The following BCAR3 variants were observed in gnomAD, a reference collection of about 807,000 sequenced individuals.
BCAR3 encodes the protein BCAR3 adaptor protein, NSP family member.
Under a neutral mutation model 80.1 loss-of-function variants are expected in BCAR3, and 37 were observed. The ratio of observed to expected loss-of-function variants is 0.46; its 90% CI spans 0.36 to 0.61. The LOEUF is 0.61. BCAR3 is among the 20% of genes least tolerant of loss of function. The pLI is 0.00. For synonymous variants in BCAR3, 389 were observed against 418.9 expected, an observed-to-expected ratio of 0.93 and a Z score of 0.87; for missense variants, 978 against 1,068.2, an observed-to-expected ratio of 0.92 and a Z score of 1.18.
At chr1:93,610,309 G>T (rs996567636) in intron 3 of BCAR3, among the ~76,000 whole-genome samples, 4 of 152,138 alleles carry the variant, frequency 2.6e-5, no homozygotes, top group African/African-American at 7.2e-5. Flanking sequence ...CTCTGAGCAG[G>T]CCTGGCCTTC....
intron 2 of BCAR3, among the ~76,000 whole-genome samples, chr1:93,650,333 C>T (rs1037027489): frequency 2.6e-5 from 4 of 152,066 alleles, no homozygotes; most frequent in Non-Finnish European, 4.4e-5. Context: ...TGCAGTGAGC[C>T]GAAATTATGC....
At chr1:93,607,017 A>G (rs1674789928) in intron 3 of BCAR3, among the ~76,000 whole-genome samples, 2 of 152,166 alleles carry the variant, frequency 1.3e-5, no homozygotes, top group African/African-American at 4.8e-5. Flanking sequence ...GGGAGGGAGT[A>G]AAGACTGTGT....
chr1:93,777,423 C>T (rs1468336464), intron 2 of BCAR3, among the ~76,000 whole-genome samples: 2 of 127,020 alleles, frequency 1.6e-5, no homozygotes, highest in Admixed American at 7.6e-5. Context: ...CTTCCTCCTC[C>T]TCTTCCTCCT....
chr1:93,629,954 G>A (rs998010959), intron 3 of BCAR3, among the ~76,000 whole-genome samples: 6 of 152,192 alleles, frequency 3.9e-5, no homozygotes, highest in East Asian at 1.9e-4. Context: ...TAAAAACACC[G>A]AAGGATTTCT....
chr1:93,732,197 G>A (rs913655125), intron 2 of BCAR3, among the ~76,000 whole-genome samples: 12 of 152,324 alleles, frequency 7.9e-5, no homozygotes, highest in African/African-American at 2.4e-4. Context: ...CAGGGCCCTG[G>A]GGGTGAAACC....
intron 3 of BCAR3, among the ~76,000 whole-genome samples, chr1:93,606,867 A>C (rs972071460): frequency 2.6e-5 from 4 of 152,186 alleles, no homozygotes; most frequent in Admixed American, 2.6e-4. Context: ...GAGGTTGAGA[A>C]AGCTGATTTC....
intron 2 of BCAR3, among the ~76,000 whole-genome samples, chr1:93,797,318 G>A (rs1441411104): frequency 1.3e-5 from 2 of 152,084 alleles, no homozygotes; most frequent in Non-Finnish European, 2.9e-5. Flanking sequence ...TACTTAGGTT[G>A]GTAAGTATCA....
At chr1:93,832,197 C>T (rs571401071) in intron 2 of BCAR3, among the ~76,000 whole-genome samples, 10 of 152,334 alleles carry the variant, frequency 6.6e-5, no homozygotes, top group South Asian at 2.1e-4. Context: ...CAAGTAGCAA[C>T]GTATTTCTGA....
chr1:93,592,123 A>G lies in BCAR3; in HGVS notation c.486+142T>C. 1 of 1,232,862 alleles carries G rather than the reference A, an allele frequency of 8.1e-7. No individual in the cohort carries two copies. Among genetic ancestry groups the G allele is most frequent in the Non-Finnish European group, 1.1e-6 (1 of 901,850 alleles). 76.4% of individuals were successfully genotyped at this position (1,232,862 alleles called of 1,614,324 possible). On this transcript the variant is annotated intron_variant, in intron 4 of 11. Transcript: ENST00000260502. The surrounding 1 kb of genome is among the most constrained non-coding windows in gnomAD (Gnocchi z 4.8). ...AAGGTCTTCTTAGAGAAGGGTCTAA[A>G]TGAAGTCATTTTTAGAGTATTTGTT...
In BCAR3 at chr1:93,816,754, T is replaced by C. The variant is rs569031207; in HGVS notation, c.-63+28813A>G. 2.0e-4 allele frequency among the ~76,000 whole-genome samples: 31 copies of C among 151,628 alleles called. No homozygotes were observed. The South Asian group carries it at 6.1e-3, about 30-fold the overall frequency. ...GGTAATACTGAAGGCATTTAAGCTATTGCCCACTGAATTCTTGATTGACAA... is the reference window on the plus strand; with the variant it reads ...GGTAATACTGAAGGCATTTAAGCTACTGCCCACTGAATTCTTGATTGACAA... On this transcript the variant is annotated intron_variant, in intron 2 of 13. Coordinates refer to the BCAR3 transcript ENST00000370244.
chr1:93,714,620 T>C (rs573230214), intron 2 of BCAR3, among the ~76,000 whole-genome samples: 1 of 152,178 alleles, frequency 6.6e-6, no homozygotes, highest in East Asian at 1.9e-4. Context: ...ATCAAATCCC[T>C]CTTGGCTTTA....
intron 2 of BCAR3, among the ~76,000 whole-genome samples, chr1:93,779,249 TC>T (rs1309884537): frequency 1.3e-5 from 2 of 152,202 alleles, no homozygotes; most frequent in African/African-American, 4.8e-5. Flanking sequence ...AAGATGCCAT[TC>T]CTGAGGTCCA....
At chr1:93,662,194 G>A (rs1647693211) in intron 2 of BCAR3, among the ~76,000 whole-genome samples, 1 of 152,210 alleles carries the variant, frequency 6.6e-6, no homozygotes, top group South Asian at 2.1e-4. Flanking sequence ...AGCCATGTGT[G>A]ACCAACTCCG....
At chr1:93,682,821 G>A (rs1422561558), upstream of BCAR3, among the ~76,000 whole-genome samples, 1 of 152,148 alleles carries the variant, frequency 6.6e-6, no homozygotes, top group East Asian at 1.9e-4. Context: ...CCAAAGTGCT[G>A]GGATTACAGG....
At chr1:93,827,744 G>A (rs1382786617) in intron 2 of BCAR3, among the ~76,000 whole-genome samples, 1 of 152,006 alleles carries the variant, frequency 6.6e-6, no homozygotes, top group African/African-American at 2.4e-5. Flanking sequence ...GGAGGGAAAG[G>A]AGGAGAGAAA....
chr1:93,846,285 G>A (rs1269416411), intron 1 of BCAR3, among the ~76,000 whole-genome samples: 2 of 152,230 alleles, frequency 1.3e-5, no homozygotes, highest in African/African-American at 2.4e-5. Context: ...AGCACAGGGT[G>A]GGCCGCGGCT....
At chr1:93,653,777 G>A (rs1329377993) in intron 2 of BCAR3, among the ~76,000 whole-genome samples, 1 of 152,206 alleles carries the variant, frequency 6.6e-6, no homozygotes, top group Non-Finnish European at 1.5e-5. Context: ...TTGTTTCAGT[G>A]AAGAAGCCCC....
At chr1:93,729,675 C>T (rs1011229502) in intron 2 of BCAR3, among the ~76,000 whole-genome samples, 1 of 152,188 alleles carries the variant, frequency 6.6e-6, no homozygotes, top group African/African-American at 2.4e-5. Context: ...CTTGATACCT[C>T]TGCATCAGCC....
intron 2 of BCAR3, among the ~76,000 whole-genome samples, chr1:93,671,504 T>G (rs1648201189): frequency 6.6e-6 from 1 of 152,166 alleles, no homozygotes; most frequent in South Asian, 2.1e-4. Context: ...ATGCAATGTT[T>G]TCAGAGCTGA....
Sources: allele counts gnomAD v4.1 joint callset (sites outside exome capture counted in the v4.1 genomes callset), GRCh38; gene constraint gnomAD v4.1.1; non-coding constraint Gnocchi (gnomAD v3.1); transcripts MANE v1.5; gene names NCBI Gene and HGNC (gene_info 2026-07-23, HGNC 2026-07-21).